Variants in OTUD7A observed in about 807,000 individuals in gnomAD.
OTUD7A encodes the protein OTU domain-containing protein 7A.
A neutral mutation model predicts 65.7 loss-of-function variants in OTUD7A; 12 were observed. That is an observed-to-expected ratio of 0.18 (90% CI 0.12 to 0.30). OTUD7A has a LOEUF of 0.30. OTUD7A is among the 10% of genes least tolerant of loss of function. The pLI, the probability that OTUD7A is intolerant of heterozygous loss-of-function variation, is 1.00. For missense variants in OTUD7A, 1,148 were observed against 1,304.8 expected, an observed-to-expected ratio of 0.88 and a Z score of 1.85; for synonymous variants, 641 against 586.3, an observed-to-expected ratio of 1.09 and a Z score of -1.35.
At chr15:31,652,636 A>G (rs772625680) in intron 3 of OTUD7A, among the ~76,000 whole-genome samples, 1 of 152,252 alleles carries the variant, frequency 6.6e-6, no homozygotes, top group African/African-American at 2.4e-5. Flanking sequence ...AAACTCAATC[A>G]AACAACTCAA....
At chr15:31,572,119 A>G (rs1889073304) in intron 3 of OTUD7A, among the ~76,000 whole-genome samples, 1 of 152,214 alleles carries the variant, frequency 6.6e-6, no homozygotes, top group African/African-American at 2.4e-5. Context: ...ATATTTGACT[A>G]TGGGAGATAT....
chr15:31,484,592 CCTTGCCGTT>C lies in OTUD7A; in HGVS notation c.1495_1503del (p.Asn499_Lys501del), dbSNP rs779533771. 5.3e-5 allele frequency: 86 copies of C among 1,609,058 alleles called. No homozygotes were observed. The highest frequency in any genetic ancestry group is 6.8e-5 in the Non-Finnish European group (80 of 1,178,650). ...TTGCGCTGCTTCTCCTTCTCCTTGTCCTTGCCGTTCTTGCCGTTATTGCTGTTAGAATTG... is the reference window on the plus strand; with the variant it reads ...TTGCGCTGCTTCTCCTTCTCCTTGTCCTTGCCGTTATTGCTGTTAGAATTG... On this transcript the variant is annotated inframe_deletion, in exon 13 of 13. Coordinates refer to ENST00000307050, the MANE Select transcript of OTUD7A (RefSeq NM_001382637.1). The surrounding 1 kb of genome is among the most constrained non-coding windows in gnomAD (Gnocchi z 4.5).
intron 1 of OTUD7A, among the ~76,000 whole-genome samples, chr15:31,708,865 A>C (rs988694291): frequency 2.1e-4 from 31 of 151,140 alleles, no homozygotes; most frequent in African/African-American, 7.6e-4. Context: ...GACGGGGAGG[A>C]AGCTGGGGAA....
intron 3 of OTUD7A, among the ~76,000 whole-genome samples, chr15:31,645,938 G>C (rs1014139475): frequency 6.6e-6 from 1 of 152,188 alleles, no homozygotes; most frequent in Non-Finnish European, 1.5e-5. Context: ...GGCCCTCAAC[G>C]CCTGCTTGGA....
intron 1 of OTUD7A, among the ~76,000 whole-genome samples, chr15:31,844,959 T>G (rs142424832): frequency 9.3e-4 from 141 of 152,194 alleles, no homozygotes; most frequent in African/African-American, 3.3e-3. Flanking sequence ...AGAGCTCCCA[T>G]AAGAATTCAT....
At chr15:31,537,779 A>G (rs1424189216) in intron 5 of OTUD7A, among the ~76,000 whole-genome samples, 1 of 152,258 alleles carries the variant, frequency 6.6e-6, no homozygotes, top group African/African-American at 2.4e-5. Context: ...AGCCTTGTTC[A>G]TCCTCTGCAT....
chr15:31,744,019 C>T (rs146529285), intron 1 of OTUD7A, among the ~76,000 whole-genome samples: 11 of 152,180 alleles, frequency 7.2e-5, no homozygotes, highest in Non-Finnish European at 1.2e-4. Flanking sequence ...ATTAATTAGA[C>T]AAATTTCTTT....
chr15:31,851,826 A>C (rs568494093), intron 1 of OTUD7A, among the ~76,000 whole-genome samples: 1 of 152,294 alleles, frequency 6.6e-6, no homozygotes, highest in South Asian at 2.1e-4. Flanking sequence ...AGATACTTCA[A>C]CTGATTGCCA....
chr15:31,813,562 A>G (rs1896475285), intron 1 of OTUD7A, among the ~76,000 whole-genome samples: 1 of 152,230 alleles, frequency 6.6e-6, no homozygotes, highest in East Asian at 1.9e-4. Context: ...ATAAGTTTGA[A>G]GAATACTGGA....
At chr15:31,813,824 G>C (rs1426380878) in intron 1 of OTUD7A, among the ~76,000 whole-genome samples, 1 of 152,130 alleles carries the variant, frequency 6.6e-6, no homozygotes, top group East Asian at 1.9e-4. Flanking sequence ...AGAATATCCA[G>C]GCCCAATTCC....
chr15:31,506,215 CT>C (rs199623314), intron 8 of OTUD7A, among the ~76,000 whole-genome samples: 10,568 of 144,190 alleles, frequency 0.073, 824 homozygotes, highest in East Asian at 0.44. Context: ...TTAATTATGA[CT>C]TTTTTTTTTT....
intron 1 of OTUD7A, among the ~76,000 whole-genome samples, chr15:31,838,945 G>A (rs898131677): frequency 6.6e-6 from 1 of 152,174 alleles, no homozygotes; most frequent in African/African-American, 2.4e-5. Context: ...CTTTTCCTTT[G>A]AGATCCACAA....
chr15:31,769,611 A>C (rs965608433), intron 1 of OTUD7A, among the ~76,000 whole-genome samples: 1 of 152,228 alleles, frequency 6.6e-6, no homozygotes, highest in Non-Finnish European at 1.5e-5. Flanking sequence ...CATCCACACA[A>C]TGACATACTT....
intron 1 of OTUD7A, among the ~76,000 whole-genome samples, chr15:31,832,893 T>A (rs1896970330): frequency 6.6e-6 from 1 of 152,232 alleles, no homozygotes; most frequent in African/African-American, 2.4e-5. Context: ...ACTGCTGCTA[T>A]AAACACGGAT....
At chr15:31,758,307 G>A (rs755928619) in intron 1 of OTUD7A, among the ~76,000 whole-genome samples, 24 of 152,268 alleles carry the variant, frequency 1.6e-4, no homozygotes, top group Non-Finnish European at 2.8e-4. Context: ...GTGCCTTCCT[G>A]CTAAGCATGT....
chr15:31,666,680 T>C (rs904273156), intron 1 of OTUD7A, among the ~76,000 whole-genome samples: 12 of 152,046 alleles, frequency 7.9e-5, no homozygotes, highest in Non-Finnish European at 5.9e-5. Flanking sequence ...TGGGTTTGGG[T>C]TTGGTTTGTT....
intron 1 of OTUD7A, among the ~76,000 whole-genome samples, chr15:31,785,425 G>A (rs1395381920): frequency 6.6e-6 from 1 of 152,088 alleles, no homozygotes. Flanking sequence ...GATTATACTA[G>A]CTTTTCTTTC....
chr15:31,725,989 A>C (rs1344039052), intron 1 of OTUD7A, among the ~76,000 whole-genome samples: 2 of 152,154 alleles, frequency 1.3e-5, no homozygotes, highest in East Asian at 3.9e-4. Flanking sequence ...GGACTCAAAT[A>C]TCTCTATATT....
chr15:31,666,132 T>C (rs1048523735), intron 1 of OTUD7A, among the ~76,000 whole-genome samples: 1 of 152,150 alleles, frequency 6.6e-6, no homozygotes, highest in African/African-American at 2.4e-5. Context: ...TTTGGTTATG[T>C]CCTTTCCTGG....
Sources: gnomAD v4.1 joint callset for allele counts (sites outside exome capture counted in the v4.1 genomes callset) on GRCh38, gnomAD v4.1.1 for gene constraint, Gnocchi (gnomAD v3.1) non-coding constraint, MANE v1.5 for transcripts, NCBI Gene and HGNC (gene_info 2026-07-23, HGNC 2026-07-21) for gene names.